TNXB: variants seen among roughly 807,000 people sequenced by gnomAD.
The protein encoded by TNXB is tenascin-X.
Under a neutral mutation model 340.5 loss-of-function variants are expected in TNXB, and 183 were observed. The observed-to-expected ratio is 0.54, with a 90% CI of 0.48 to 0.61. The LOEUF is 0.61. Ranked by LOEUF, TNXB falls within the 20% of genes least tolerant of loss-of-function variation. TNXB has a pLI of 0.00. For missense variants in TNXB, 4,613 were observed against 5,446.4 expected, an observed-to-expected ratio of 0.85 and a Z score of 4.82; for synonymous variants, 2,121 against 2,314.5, an observed-to-expected ratio of 0.92 and a Z score of 2.40.
chr6:32,050,463 C>G, intron 26 of TNXB, 142 bp from the exon 27 acceptor site: 1 of 1,147,134 alleles, frequency 8.7e-7, no homozygotes, highest in Non-Finnish European at 1.2e-6. Flanking sequence ...CCTCTCCTCC[C>G]CTGCGGCCTT....
At position 32,048,560 on chromosome 6, in the gene TNXB, G is replaced by C; in HGVS notation, c.9848C>G (p.Thr3283Arg). The change falls in exon 29 of 44, where the codon ACG (threonine) becomes AGG (arginine). Residue 3283 changes from threonine to arginine, a missense_variant. By Grantham distance (71) the Thr-to-Arg change is moderately conservative. Around this residue, in one of 7 missense-constraint regions of TNXB, gnomAD observed 4,327 missense variants for 4,859.4 expected, o/e 0.89. Coordinates refer to ENST00000644971, the MANE Select transcript of TNXB (RefSeq NM_001365276.2). ...GGAGTCAAAGGGGCCCTGGGCCACC[G>C]TCCATGAGAGGCCCACTGAGTCCGA... ...VTSDSVGLSW[T>R]VAQGPFDSFL... 6.4e-7 allele frequency: 1 copy of C among 1,568,836 alleles called. No individual in the cohort carries two copies. Among genetic ancestry groups the C allele is most frequent in the South Asian group, 1.2e-5 (1 of 84,522 alleles).
intron 18 of TNXB, among the ~76,000 whole-genome samples, chr6:32,065,432 T>G (rs1346691455): frequency 6.6e-6 from 1 of 152,130 alleles, no homozygotes; most frequent in African/African-American, 2.4e-5. Flanking sequence ...CTTCCCTGAT[T>G]ACTCTATTTA....
In TNXB at chr6:32,073,740, A is replaced by G; in HGVS notation, c.4588T>C (p.Tyr1530His). The G allele has an allele frequency of 2.5e-6, 4 of 1,612,494 alleles. No homozygotes were observed. Among genetic ancestry groups the G allele is most frequent in the Non-Finnish European group, 3.4e-6 (4 of 1,179,592 alleles). Residue 1530 changes from tyrosine (Y) to histidine (H), a missense_variant, in exon 12 of 44, where the codon TAC becomes CAC. This residue lies in a region of TNXB where 4,327 missense variants were observed against 4,859.4 expected (regional missense o/e 0.89). Transcript: ENST00000644971. The surrounding 1 kb of genome is among the most constrained non-coding windows in gnomAD (Gnocchi z 4.6). ...TATTTTCTCTCAGGCTCCAGGTTGT[A>G]GACTGTGACCTCTCGCTGGTCTGCC... ...VAADQREVTV[Y>H]NLEPERKYKM...
In TNXB at chr6:32,049,392, A is replaced by C; in HGVS notation, c.9635T>G (p.Val3212Gly). ...GGTGACCTCGCTCTCCTCGCCCCTG[A>C]CACGCACCACCTGGGGCTGCCCGTC... is the stretch of plus-strand genomic sequence containing the variant. ...DRDGQPQVVR[V>G]RGEESEVTVG... Residue 3212 changes from valine to glycine, a missense_variant, in exon 28 of 44, where the codon GTC (valine) becomes GGC (glycine). This residue lies in a region of TNXB where 4,327 missense variants were observed against 4,859.4 expected (regional missense o/e 0.89). Transcript: ENST00000644971. The surrounding 1 kb of genome is among the most constrained non-coding windows in gnomAD (Gnocchi z 4.5). 4 of 1,612,594 alleles carry C rather than the reference A, an allele frequency of 2.5e-6. No individual in the cohort carries two copies. Among genetic ancestry groups the C allele is most frequent in the Non-Finnish European group, 3.4e-6 (4 of 1,179,872 alleles).
intron 1 of TNXB, among the ~76,000 whole-genome samples, chr6:32,099,122 G>C (rs749105124): frequency 1.3e-5 from 2 of 152,146 alleles, no homozygotes; most frequent in Non-Finnish European, 2.9e-5. Flanking sequence ...ACACATCAAT[G>C]TTGAATGAAT....
At position 32,043,900 on chromosome 6, in the gene TNXB, C is replaced by T. The variant is rs756087047; in HGVS notation, c.11387-8G>A. 10 of 1,613,462 alleles carry T rather than the reference C, an allele frequency of 6.2e-6. No individual in the cohort carries two copies. The African/African-American group carries it at 9.4e-5, about 15-fold the overall frequency. On this transcript the variant is annotated splice_region_variant and splice_polypyrimidine_tract_variant and intron_variant, in intron 34 of 43. Coordinates refer to ENST00000644971, the MANE Select transcript of TNXB (RefSeq NM_001365276.2). ...GCACACTCTGAGGCTCCCCTGAAAA[C>T]ATTGGGGATCGAGGGTTACCCAGGG...
In TNXB at chr6:32,068,019, C is replaced by T. The variant is rs2062127280; in HGVS notation, c.6221-35G>A. 2.5e-6 allele frequency: 4 copies of T among 1,597,114 alleles called. No individual in the cohort carries two copies. The highest frequency in any genetic ancestry group is 1.7e-5 in the Admixed American group (1 of 59,178). ...AGGAAGAGAGAGTGAGGGGGATGTCCTTGGGTACTGGGGAAAAGGAGGGAG... is the reference window on the plus strand; with the variant it reads ...AGGAAGAGAGAGTGAGGGGGATGTCTTTGGGTACTGGGGAAAAGGAGGGAG... On this transcript the variant is annotated intron_variant, in intron 17 of 43. Coordinates refer to ENST00000644971, the MANE Select transcript of TNXB (RefSeq NM_001365276.2). This position sits in a 1 kb window ranked among gnomAD's most constrained non-coding sequence, Gnocchi z 5.3.
chr6:32,070,091 G>T lies in TNXB; in HGVS notation c.5278+36C>A. On this transcript the variant is annotated intron_variant, in intron 14 of 43. Coordinates refer to ENST00000644971, the MANE Select transcript of TNXB (RefSeq NM_001365276.2). This position sits in a 1 kb window ranked among gnomAD's most constrained non-coding sequence, Gnocchi z 6.0. Reference sequence around the variant, plus strand: ...TGACCGTCTGCTGCTTGGCCTGAGGGGAGCAGAGCAGGGACCTGCAGGGAA... The same window carrying T: ...TGACCGTCTGCTGCTTGGCCTGAGGTGAGCAGAGCAGGGACCTGCAGGGAA... 1 of 1,508,328 alleles carries T rather than the reference G, an allele frequency of 6.6e-7. No individual in the cohort carries two copies. Among genetic ancestry groups the T allele is most frequent in the South Asian group, 1.3e-5 (1 of 74,174 alleles). The allele number at this position is 1,508,328 out of a possible 1,614,324, so 93.4% of individuals were successfully genotyped here. A position where few individuals can be genotyped will look rare whatever the true frequency, so the allele number is the denominator to read the frequency against.
intron 4 of TNXB, among the ~76,000 whole-genome samples, chr6:32,092,434 T>C (rs1304374314): frequency 6.6e-6 from 1 of 152,132 alleles, no homozygotes; most frequent in Non-Finnish European, 1.5e-5. Flanking sequence ...GAAGTGCTTC[T>C]GGGAAGAGGG....
chr6:32,057,105 A>C (rs1273964227), intron 22 of TNXB, among the ~76,000 whole-genome samples: 106 of 118,950 alleles, frequency 8.9e-4, no homozygotes, highest in African/African-American at 1.5e-3. Context: ...CCCCCACCTC[A>C]CCCCCACCTC....
In TNXB at chr6:32,090,383, G is replaced by C. The variant is rs561743464; in HGVS notation, c.2359-1004C>G. 2.0e-5 allele frequency among the ~76,000 whole-genome samples: 3 copies of C among 152,322 alleles called. No homozygotes were observed. The highest frequency in any genetic ancestry group is 4.8e-5 in the African/African-American group (2 of 41,580). On this transcript the variant is annotated intron_variant, in intron 4 of 43. Coordinates refer to ENST00000644971, the MANE Select transcript of TNXB (RefSeq NM_001365276.2). This position sits in a 1 kb window ranked among gnomAD's most constrained non-coding sequence, Gnocchi z 4.3. ...AATCTACTGGACCCTGCTCCAGGCA[G>C]GGTCTCCTGGAATGCCCACCACTGG...
At position 32,048,531 on chromosome 6, in the gene TNXB, G is replaced by C; in HGVS notation, c.9877C>G (p.Leu3293Val). The stretch of plus-strand genomic sequence containing the variant: ...CCCTGCGCGTCCCTGTACTGTACCA[G>C]GAAGGAGTCAAAGGGGCCCTGGGCC... ...TVAQGPFDSF[L>V]VQYRDAQGQP... The change falls in exon 29 of 44, where the codon CTG becomes GTG. Residue 3293 changes from leucine (L) to valine (V), a missense_variant. Leu to Val is a conservative substitution (Grantham distance 32, BLOSUM62 1). Coordinates refer to ENST00000644971, the MANE Select transcript of TNXB (RefSeq NM_001365276.2). 6.3e-7 allele frequency: 1 copy of C among 1,579,376 alleles called. No individual in the cohort carries two copies. Among genetic ancestry groups the C allele is most frequent in the Admixed American group, 1.7e-5 (1 of 58,274 alleles).
In TNXB at chr6:32,062,456, G is replaced by A; in HGVS notation, c.6869C>T (p.Pro2290Leu). 1 of 1,608,240 alleles carries A rather than the reference G, an allele frequency of 6.2e-7. No homozygotes were observed. The highest frequency in any genetic ancestry group is 8.5e-7 in the Non-Finnish European group (1 of 1,176,300). Reference protein sequence around the residue: ...TAPGKDEEMAPASTEPPTPEP... With the variant: ...TAPGKDEEMALASTEPPTPEP... Reference sequence around the variant, plus strand: ...AGGGGTGGGAGGTTCTGTCGAGGCTGGGGCCATTTCTTCATCCTTTCCTGG... The same window carrying A: ...AGGGGTGGGAGGTTCTGTCGAGGCTAGGGCCATTTCTTCATCCTTTCCTGG... Residue 2290 changes from proline (P) to leucine (L), a missense_variant, in exon 20 of 44, where the codon CCA (proline) becomes CTA (leucine). By Grantham distance (98) the Pro-to-Leu change is moderately conservative. This residue lies in a region of TNXB where 4,327 missense variants were observed against 4,859.4 expected (regional missense o/e 0.89). Coordinates refer to ENST00000644971, the MANE Select transcript of TNXB (RefSeq NM_001365276.2). The surrounding 1 kb of genome is among the most constrained non-coding windows in gnomAD (Gnocchi z 4.3).
At position 32,052,367 on chromosome 6, in the gene TNXB, C is replaced by T. The variant is rs1310972823; in HGVS notation, c.9115+303G>A. On this transcript the variant is annotated intron_variant, in intron 26 of 43. Coordinates refer to ENST00000644971, the MANE Select transcript of TNXB (RefSeq NM_001365276.2). The surrounding 1 kb of genome is among the most constrained non-coding windows in gnomAD (Gnocchi z 4.7). ...TCAGGAGGCTGAGGTAGGAGAATCA[C>T]TTGAACCCAGGAGGCGGAGGTTCCA... is the stretch of plus-strand genomic sequence containing the variant. 1.3e-5 allele frequency among the ~76,000 whole-genome samples: 2 copies of T among 151,774 alleles called. No homozygotes were observed. The highest frequency in any genetic ancestry group is 2.9e-5 in the Non-Finnish European group (2 of 67,984).
Position 32,062,879 on chromosome 6 carries a change from C to A in TNXB, c.6842-396G>T, listed in dbSNP as rs894199190. Among the ~76,000 whole-genome samples, 35 of 146,872 alleles carry A rather than the reference C, an allele frequency of 2.4e-4. No homozygotes were observed. The highest frequency in any genetic ancestry group is 4.9e-4 in the Non-Finnish European group (33 of 66,962). On this transcript the variant is annotated intron_variant, in intron 19 of 43. Coordinates refer to ENST00000644971, the MANE Select transcript of TNXB (RefSeq NM_001365276.2). This position sits in a 1 kb window ranked among gnomAD's most constrained non-coding sequence, Gnocchi z 4.3. ...GACCATCCTGGCTAACACTGTGAAA[C>A]CCCGTCTTTACTAAAAATACAAAAA...
intron 18 of TNXB, among the ~76,000 whole-genome samples, chr6:32,065,839 G>A (rs1265889): frequency 0.099 from 14,990 of 151,896 alleles, 931 homozygotes; most frequent in Non-Finnish European, 0.15. Flanking sequence ...TAGTAGAGAC[G>A]GGGTTTCACC....
rs774346039 is a variant in TNXB, at chr6:32,052,934, C to T, written c.8851G>A (p.Glu2951Lys). Residue 2951 changes from glutamate to lysine, a missense_variant, in exon 26 of 44, where the codon GAG becomes AAG. By Grantham distance (56) the Glu-to-Lys change is moderately conservative (BLOSUM62 1). Transcript: ENST00000644971. This position sits in a 1 kb window ranked among gnomAD's most constrained non-coding sequence, Gnocchi z 4.7. Reference sequence around the variant, plus strand: ...GTCAGCTCCCCCAGGAGCGGCTCCTCAGGGGGCTCCGGGGCCTCCGTGCTG... The same window carrying T: ...GTCAGCTCCCCCAGGAGCGGCTCCTTAGGGGGCTCCGGGGCCTCCGTGCTG... The part of the protein sequence containing the change: ...EPSTEAPEPP[E>K]EPLLGELTVT... The T allele has an allele frequency of 3.7e-6, 6 of 1,612,556 alleles. No homozygotes were observed. In the East Asian group the frequency reaches 8.9e-5, roughly 24 times the overall value.
Position 32,095,273 on chromosome 6 carries a change from C to A in TNXB, c.2243-82G>T. 2 of 1,061,878 alleles carry A rather than the reference C, an allele frequency of 1.9e-6. 1 individual carries two copies. The highest frequency in any genetic ancestry group is 2.8e-5 in the South Asian group (2 of 71,540). The allele number at this position is 1,061,878 out of a possible 1,614,324, so 65.8% of individuals were successfully genotyped here. ...CACAGCCCCTTTTACTCAGGGACAT[C>A]GAAGAGGCCCATCCTAACTCCCACT... On this transcript the variant is annotated intron_variant, in intron 3 of 43. Transcript: ENST00000644971.
chr6:32,057,999 A>G (rs912669676), intron 22 of TNXB, 59 bp downstream of exon 22: 1 of 1,529,482 alleles, frequency 6.5e-7, no homozygotes, highest in South Asian at 1.2e-5. Flanking sequence ...GGAAAATGGT[A>G]GAGAAGGGCA....
Sources: gnomAD v4.1 joint callset for allele counts (sites outside exome capture counted in the v4.1 genomes callset) on GRCh38, gnomAD v4.1.1 for gene constraint, gnomAD v4.1.1 regional missense constraint, Gnocchi (gnomAD v3.1) non-coding constraint, MANE v1.5 for transcripts, NCBI Gene and HGNC (gene_info 2026-07-23, HGNC 2026-07-21) for gene names.